Variants in ME2 observed in about 807,000 individuals in gnomAD.
ME2 encodes NAD-dependent malic enzyme, mitochondrial.
A neutral mutation model predicts 73.7 loss-of-function variants in ME2; 60 were observed. The observed-to-expected ratio is 0.81, with a 90% confidence interval of 0.66 to 1.01. The LOEUF (loss-of-function observed/expected upper bound fraction) is 1.01. ME2 is among the 50% of genes least tolerant of loss of function. The pLI is 0.00. For missense variants in ME2, 594 were observed against 705.5 expected (o/e 0.84, Z 1.79); for synonymous variants, 199 against 236.9 (o/e 0.84, Z 1.47).
chr18:50,907,676 A>G (rs1017273368), intron 2 of ME2, among the ~76,000 whole-genome samples: 3 of 152,164 alleles, frequency 2.0e-5, no homozygotes, highest in Admixed American at 1.3e-4. Context: ...GCTTTTTGTT[A>G]GCTTGTAATA....
At position 50,947,165 on chromosome 18, in the gene ME2, C is replaced by T. The variant is rs1568178310; in HGVS notation, c.1736C>T (p.Pro579Leu). The change falls in exon 16 of 16, where the codon CCT (proline) becomes CTT (leucine). Residue 579 changes from proline to leucine, a missense_variant. By Grantham distance (98) the Pro-to-Leu change is moderately conservative (BLOSUM62 -3). Coordinates refer to ENST00000321341, the MANE Select transcript of ME2 (RefSeq NM_002396.5). Reference protein sequence around the residue: ...VYEWPESASSPPVITE With the variant: ...VYEWPESASSLPVITE The stretch of plus-strand genomic sequence containing the variant: ...GAATGGCCAGAATCTGCATCAAGCC[C>T]TCCTGTGATAACAGAATAGAAGCAC... 3 of 1,613,072 alleles carry T rather than the reference C, an allele frequency of 1.9e-6. No homozygotes were observed. The highest frequency in any genetic ancestry group is 2.2e-5 in the East Asian group (1 of 44,882).
intron 7 of ME2, 103 bp from the exon 8 acceptor site, chr18:50,920,353 A>G: frequency 6.2e-6 from 5 of 810,868 alleles, no homozygotes; most frequent in Non-Finnish European, 9.8e-6. Flanking sequence ...AATTGAACTA[A>G]CATAATACAT....
rs556243965 is a variant in ME2, at chr18:50,880,867, T to C, written c.-13+1559T>C. Among the ~76,000 whole-genome samples, 7 of 152,360 alleles carry C rather than the reference T, an allele frequency of 4.6e-5. No homozygotes were observed. The South Asian group carries it at 8.3e-4, about 18-fold the overall frequency. On this transcript the variant is annotated intron_variant, in intron 1 of 15. Transcript: ENST00000321341. Reference sequence around the variant, plus strand: ...CTTAGAGGGTGTTTATATGTTTTTGTCTTTTAATATATTTATGAAAACAAA... The same window carrying C: ...CTTAGAGGGTGTTTATATGTTTTTGCCTTTTAATATATTTATGAAAACAAA...
At chr18:50,943,773 A>G (rs941885156) in intron 15 of ME2, among the ~76,000 whole-genome samples, 2 of 152,226 alleles carry the variant, frequency 1.3e-5, no homozygotes, top group African/African-American at 4.8e-5. Flanking sequence ...CTGTACAAAT[A>G]TACAAATGCC....
Position 50,947,424 on chromosome 18 carries a change from A to G in ME2, c.*240A>G, listed in dbSNP as rs1918113258. ...GCTTTAATTCTAACATACAGCCCGT[A>G]CCACATCCAGGAGATGTAAAAAGTG... On this transcript the variant is annotated 3_prime_UTR_variant, in exon 16 of 16. Transcript: ENST00000321341. 2.2e-6 allele frequency: 1 copy of G among 455,030 alleles called. No homozygotes were observed. Among genetic ancestry groups the G allele is most frequent in the Non-Finnish European group, 3.9e-6 (1 of 256,348 alleles). 28.2% of individuals were successfully genotyped at this position (455,030 alleles called of 1,614,324 possible).
At chr18:50,921,545 T>G (rs1917428955) in intron 10 of ME2, among the ~76,000 whole-genome samples, 1 of 152,158 alleles carries the variant, frequency 6.6e-6, no homozygotes, top group Non-Finnish European at 1.5e-5. Context: ...TGCAGTAGTT[T>G]TGATATTTGA....
In ME2 at chr18:50,885,581, T is replaced by C. The variant is rs1043127587; in HGVS notation, c.-13+6273T>C. On this transcript the variant is annotated intron_variant, in intron 1 of 15. Coordinates refer to ENST00000321341, the MANE Select transcript of ME2 (RefSeq NM_002396.5). ...TTTATAAAATTTAAATGGTTTTTTT[T>C]CATCACTTAGCAGAGTATCAACCAT... Among the ~76,000 whole-genome samples, 10 of 152,264 alleles carry C rather than the reference T, an allele frequency of 6.6e-5. No homozygotes were observed. The South Asian group carries it at 1.2e-3, about 19-fold the overall frequency.
At chr18:50,927,316 A>T (rs941969360) in intron 12 of ME2, among the ~76,000 whole-genome samples, 1 of 152,094 alleles carries the variant, frequency 6.6e-6, no homozygotes, top group Non-Finnish European at 1.5e-5. Context: ...AATCTGATAC[A>T]TTTTTTTAAT....
chr18:50,898,029 A>C (rs939731311), intron 2 of ME2, among the ~76,000 whole-genome samples: 2 of 152,210 alleles, frequency 1.3e-5, no homozygotes, highest in Non-Finnish European at 2.9e-5. Context: ...TAGACCAGTG[A>C]TTCCCAATTC....
chr18:50,932,864 C>G (rs1917731184), intron 13 of ME2: 1 of 152,466 alleles, frequency 6.6e-6, no homozygotes, highest in Admixed American at 6.5e-5. Context: ...CCATGTTGAC[C>G]AGGCTGGTCT....
Position 50,925,746 on chromosome 18 carries a change from C to A in ME2, c.1172-10C>A. On this transcript the variant is annotated splice_polypyrimidine_tract_variant and intron_variant, in intron 11 of 15. Coordinates refer to ENST00000321341, the MANE Select transcript of ME2 (RefSeq NM_002396.5). ...ATGAAGTTGCTGTTTTTCCCCCTTA[C>A]TTATTACAGGAGTTGCAGGTGCTGG... The A allele has an allele frequency of 6.2e-7, 1 of 1,612,626 alleles. No individual in the cohort carries two copies. The highest frequency in any genetic ancestry group is 1.3e-5 in the African/African-American group (1 of 74,946).
intron 13 of ME2, among the ~76,000 whole-genome samples, chr18:50,937,697 T>C (rs1434412013): frequency 1.3e-5 from 2 of 151,588 alleles, no homozygotes; most frequent in East Asian, 1.9e-4. Context: ...TTTAAAAAAA[T>C]AGAAAGCAAA....
At chr18:50,931,478 G>T (rs753342804) in intron 12 of ME2, among the ~76,000 whole-genome samples, 16 of 152,178 alleles carry the variant, frequency 1.1e-4, no homozygotes, top group Non-Finnish European at 2.2e-4. Flanking sequence ...AAATGGAGAT[G>T]ATGATGAAGT....
At chr18:50,881,154 G>C (rs951804322) in intron 1 of ME2, among the ~76,000 whole-genome samples, 1 of 152,106 alleles carries the variant, frequency 6.6e-6, no homozygotes, top group African/African-American at 2.4e-5. Flanking sequence ...TCAGCCTTCT[G>C]AGTAGCTGGG....
rs139266162 is a variant in ME2, at chr18:50,910,369, G to A, written c.242+2173G>A. 3.1e-3 allele frequency among the ~76,000 whole-genome samples: 469 copies of A among 150,220 alleles called. 3 individuals carry two copies. Among genetic ancestry groups the A allele is most frequent in the African/African-American group, 0.01 (422 of 40,774 alleles). ...CAGGAGGATAACTTAAGCCCAGGAG[G>A]TCAAGGCTGCAGTGAGCCATGATTG... On this transcript the variant is annotated intron_variant, in intron 3 of 15. Coordinates refer to ENST00000321341, the MANE Select transcript of ME2 (RefSeq NM_002396.5).
At position 50,928,899 on chromosome 18, in the gene ME2, G is replaced by A. The variant is rs142423091; in HGVS notation, c.1314+3001G>A. Among the ~76,000 whole-genome samples the A allele has an allele frequency of 5.2e-3, 794 of 152,238 alleles. 6 individuals carry two copies. The highest frequency in any genetic ancestry group is 7.4e-3 in the Non-Finnish European group (506 of 68,026). Reference sequence around the variant, plus strand: ...TGGAAATCAGCAGTCATCTTGAGGGGAAGAGCTTCAAATGCTAGGCTCATA... The same window carrying A: ...TGGAAATCAGCAGTCATCTTGAGGGAAAGAGCTTCAAATGCTAGGCTCATA... On this transcript the variant is annotated intron_variant, in intron 12 of 15. Transcript: ENST00000321341.
intron 2 of ME2, among the ~76,000 whole-genome samples, chr18:50,896,520 T>C (rs559319479): frequency 6.6e-6 from 1 of 152,328 alleles, no homozygotes; most frequent in South Asian, 2.1e-4. Flanking sequence ...ATCCTTCATC[T>C]ATGTTTGGTT....
In ME2 at chr18:50,920,502, A is replaced by C; in HGVS notation, c.781A>C (p.Asn261His). 1 of 1,601,390 alleles carries C rather than the reference A, an allele frequency of 6.2e-7. No homozygotes were observed. Among genetic ancestry groups the C allele is most frequent in the Non-Finnish European group, 8.5e-7 (1 of 1,177,278 alleles). Residue 261 changes from asparagine to histidine, a missense_variant, in exon 8 of 16, where the codon AAT (asparagine) becomes CAT (histidine). By Grantham distance (68) the Asn-to-His change is moderately conservative (BLOSUM62 1). Coordinates refer to ENST00000321341, the MANE Select transcript of ME2 (RefSeq NM_002396.5). ...TCAGTTCGAAGACTTTGGAAATCAT[A>C]ATGCATTCAGGTTCTTGAGAAAGTA... Reference protein sequence around the residue: ...LIQFEDFGNHNAFRFLRKYRE... With the variant: ...LIQFEDFGNHHAFRFLRKYRE...
intron 10 of ME2, among the ~76,000 whole-genome samples, chr18:50,923,587 C>T (rs1917476797): frequency 6.6e-6 from 1 of 151,984 alleles, no homozygotes; most frequent in African/African-American, 2.4e-5. Context: ...GGCAAAACCC[C>T]ATCTCTACAA....
Sources: allele counts gnomAD v4.1 joint callset (sites outside exome capture counted in the v4.1 genomes callset), GRCh38; gene constraint gnomAD v4.1.1; transcripts MANE v1.5; gene names NCBI Gene and HGNC (gene_info 2026-07-23, HGNC 2026-07-21).